The following ATP8A2 variants were observed in gnomAD, a reference collection of about 807,000 sequenced individuals.
ATP8A2 encodes the protein ATPase phospholipid transporting 8A2, also known as phospholipid-transporting ATPase IB.
ATP8A2 carries 100 observed loss-of-function variants against 165.6 expected under a neutral mutation model. The ratio of observed to expected loss-of-function variants is 0.60; its 90% CI spans 0.51 to 0.71. The LOEUF is 0.71. ATP8A2 is among the 30% of genes least tolerant of loss of function. The pLI is 0.00. For synonymous variants in ATP8A2, 543 were observed against 548.8 expected (o/e 0.99, Z 0.15); for missense variants, 1,227 against 1,479.5 (o/e 0.83, Z 2.80).
At chr13:25,962,746 T>C (rs1220874309) in intron 34 of ATP8A2, among the ~76,000 whole-genome samples, 1 of 152,166 alleles carries the variant, frequency 6.6e-6, no homozygotes, top group Non-Finnish European at 1.5e-5. Flanking sequence ...TCAGATTTCA[T>C]TTTTAGCCCT....
At chr13:25,840,855 A>G (rs1951734023) in intron 30 of ATP8A2, among the ~76,000 whole-genome samples, 1 of 152,192 alleles carries the variant, frequency 6.6e-6, no homozygotes, top group African/African-American at 2.4e-5. Flanking sequence ...AATTTGAGCA[A>G]TTATCCTCCA....
intron 27 of ATP8A2, among the ~76,000 whole-genome samples, chr13:25,821,040 G>A (rs531447318): frequency 1.3e-5 from 2 of 151,852 alleles, no homozygotes; most frequent in East Asian, 3.9e-4. Flanking sequence ...GATTGAAATT[G>A]AATTGAAAAT....
chr13:25,507,888 G>A (rs1443021924), intron 2 of ATP8A2, among the ~76,000 whole-genome samples: 1 of 152,128 alleles, frequency 6.6e-6, no homozygotes, highest in Non-Finnish European at 1.5e-5. Flanking sequence ...ATAAAATAGA[G>A]TTAACAGACA....
At chr13:25,890,214 T>C (rs1046212629) in intron 33 of ATP8A2, among the ~76,000 whole-genome samples, 1 of 152,182 alleles carries the variant, frequency 6.6e-6, no homozygotes, top group Non-Finnish European at 1.5e-5. Flanking sequence ...ACATTATATA[T>C]ACCAAGGTTT....
intron 33 of ATP8A2, among the ~76,000 whole-genome samples, chr13:25,939,172 A>G (rs1231372180): frequency 6.6e-6 from 1 of 152,042 alleles, no homozygotes; most frequent in African/African-American, 2.4e-5. Flanking sequence ...CCTCATGGGA[A>G]CTACTCTCTC....
intron 24 of ATP8A2, among the ~76,000 whole-genome samples, chr13:25,632,384 T>G (rs2041263246): frequency 6.6e-6 from 1 of 152,162 alleles, no homozygotes; most frequent in Non-Finnish European, 1.5e-5. Context: ...TGCCTCGGTC[T>G]TTCCTGTTTC....
In ATP8A2 at chr13:25,372,597, C is replaced by G. The variant is rs1237816682; in HGVS notation, c.76+309C>G. Among the ~76,000 whole-genome samples, 1 of 152,210 alleles carries G rather than the reference C, an allele frequency of 6.6e-6. No homozygotes were observed. Among genetic ancestry groups the G allele is most frequent in the Non-Finnish European group, 1.5e-5 (1 of 68,036 alleles). ...TCCCTGTGCGCGTGCCCGTGCGCCC[C>G]TACGCGCGGATGCGGCTCAGGGATG... On this transcript the variant is annotated intron_variant, in intron 1 of 36. Coordinates refer to ENST00000381655, the MANE Select transcript of ATP8A2 (RefSeq NM_016529.6). The surrounding 1 kb of genome is among the most constrained non-coding windows in gnomAD (Gnocchi z 4.8).
intron 24 of ATP8A2, among the ~76,000 whole-genome samples, chr13:25,623,478 G>T (rs888228496): frequency 1.3e-5 from 2 of 151,938 alleles, no homozygotes; most frequent in Admixed American, 6.6e-5. Context: ...AGTGATAAAA[G>T]GTTTTCCACC....
chr13:25,457,546 T>C (rs991795319), intron 1 of ATP8A2, among the ~76,000 whole-genome samples: 2 of 152,198 alleles, frequency 1.3e-5, no homozygotes, highest in Non-Finnish European at 2.9e-5. Context: ...GCTCCTCATA[T>C]GATTGTTATG....
At chr13:25,789,400 A>G (rs1420912226) in intron 27 of ATP8A2, among the ~76,000 whole-genome samples, 2 of 152,216 alleles carry the variant, frequency 1.3e-5, no homozygotes, top group East Asian at 1.9e-4. Context: ...AAGTCTCAGG[A>G]TATAAATTCA....
chr13:25,984,824 C>T (rs775217812), intron 35 of ATP8A2, among the ~76,000 whole-genome samples: 7 of 152,068 alleles, frequency 4.6e-5, no homozygotes, highest in Admixed American at 6.5e-5. Context: ...AGCATGATCA[C>T]GCAGAAACAA....
chr13:25,631,392 C>A (rs913403537), intron 24 of ATP8A2, among the ~76,000 whole-genome samples: 2 of 149,212 alleles, frequency 1.3e-5, no homozygotes, highest in African/African-American at 5.0e-5. Flanking sequence ...TCTTTGAAGA[C>A]CAAATACAGT....
chr13:25,658,152 T>G (rs720652), intron 24 of ATP8A2, among the ~76,000 whole-genome samples: 26,732 of 152,188 alleles, frequency 0.18, 2,815 homozygotes, highest in African/African-American at 0.28. Context: ...GAACTCCTGA[T>G]TGATTGCCTC....
intron 24 of ATP8A2, among the ~76,000 whole-genome samples, chr13:25,658,831 C>G (rs2041989166): frequency 6.6e-6 from 1 of 152,120 alleles, no homozygotes; most frequent in Non-Finnish European, 1.5e-5. Context: ...CTCTTTTGCT[C>G]AGAGCCACCC....
At chr13:25,415,802 T>C (rs1267994917) in intron 1 of ATP8A2, among the ~76,000 whole-genome samples, 2 of 152,168 alleles carry the variant, frequency 1.3e-5, no homozygotes, top group Non-Finnish European at 2.9e-5. Flanking sequence ...AAAGGTGGTC[T>C]CCTTAGTCAC....
intron 33 of ATP8A2, among the ~76,000 whole-genome samples, chr13:25,883,267 C>G (rs922539941): frequency 2.6e-5 from 4 of 151,994 alleles, no homozygotes; most frequent in Admixed American, 1.3e-4. Flanking sequence ...TGAAAAAATA[C>G]AAATTAGCTG....
chr13:25,810,336 C>T (rs925716749), intron 27 of ATP8A2, among the ~76,000 whole-genome samples: 17 of 152,182 alleles, frequency 1.1e-4, no homozygotes, highest in African/African-American at 3.4e-4. Context: ...CTCCTGGCCA[C>T]ATCTCAAGGC....
intron 2 of ATP8A2, among the ~76,000 whole-genome samples, chr13:25,479,023 A>G (rs892315415): frequency 1.3e-5 from 2 of 151,834 alleles, no homozygotes; most frequent in Non-Finnish European, 2.9e-5. Context: ...AATTTTTTGT[A>G]TTTTAGTAGA....
At chr13:25,530,692 T>C in intron 4 of ATP8A2, 32 bp downstream of exon 4, 1 of 1,275,406 alleles carries the variant, frequency 7.8e-7, no homozygotes. Context: ...ATAAAATCAT[T>C]GTATGCAGTA....
Sources: allele counts gnomAD v4.1 joint callset (sites outside exome capture counted in the v4.1 genomes callset), GRCh38; gene constraint gnomAD v4.1.1; non-coding constraint Gnocchi (gnomAD v3.1); transcripts MANE v1.5; gene names NCBI Gene and HGNC (gene_info 2026-07-23, HGNC 2026-07-21).